GRID2IP: variants seen among roughly 807,000 people sequenced by gnomAD.
The protein encoded by GRID2IP is delphilin.
A neutral mutation model predicts 114.3 loss-of-function variants in GRID2IP; 78 were observed. The observed-to-expected ratio is 0.68, with a 90% confidence interval of 0.57 to 0.82. The LOEUF (loss-of-function observed/expected upper bound fraction) is 0.82. Ranked by LOEUF, GRID2IP falls within the 40% of genes least tolerant of loss-of-function variation. The pLI is 0.00. For missense variants in GRID2IP, 1,727 were observed against 1,678.5 expected (o/e 1.03, Z -0.51); for synonymous variants, 809 against 724.0 (o/e 1.12, Z -1.89).
At position 6,501,887 on chromosome 7, in the gene GRID2IP, G is replaced by T. The variant is rs1786425814; in HGVS notation, c.3293C>A (p.Ala1098Asp). ...VPLAAKVNQR[A>D]LTSDLADLHG... is the part of the protein sequence containing the mutation. ...GAGGTCAGCCAGGTCACTGGTCAGG[G>T]CCCGTTGGTTCACTGTAGGGAAGAG... is the stretch of plus-strand genomic sequence containing the variant. Residue 1098 changes from alanine (A) to aspartate (D), a missense_variant, in exon 20 of 22, where the codon GCC becomes GAC. By Grantham distance (126) the Ala-to-Asp change is moderately radical. Coordinates refer to ENST00000457091, the MANE Select transcript of GRID2IP (RefSeq NM_001145118.2). The T allele has an allele frequency of 4.5e-6, 7 of 1,551,404 alleles. No individual in the cohort carries two copies. Among genetic ancestry groups the T allele is most frequent in the Non-Finnish European group, 6.1e-6 (7 of 1,146,960 alleles).
intron 2 of GRID2IP, among the ~76,000 whole-genome samples, chr7:6,533,676 T>A (rs540042383): frequency 5.6e-5 from 8 of 142,494 alleles, no homozygotes; most frequent in African/African-American, 2.1e-4. Flanking sequence ...TTTTTAAACT[T>A]TTTTTTTTTT....
chr7:6,524,571 C>T (rs927534170), intron 4 of GRID2IP, among the ~76,000 whole-genome samples: 3 of 152,092 alleles, frequency 2.0e-5, no homozygotes, highest in African/African-American at 7.2e-5. Context: ...TTCAAGATGC[C>T]ATGGTTGGGC....
In GRID2IP at chr7:6,551,307, G is replaced by T; in HGVS notation, c.130C>A (p.Arg44=). ...KGSSAHAGGL[R]PGDQILEVEG... ...ACCTCCAGGATCTGGTCTCCTGGCC[G>T]CAGTCCTCCGGCATGCGCGCTGCTC... is the stretch of plus-strand genomic sequence containing the variant. The change falls in exon 1 of 22, where the codon CGG becomes AGG. Residue 44 remains arginine (R), a synonymous_variant. Coordinates refer to ENST00000457091, the MANE Select transcript of GRID2IP (RefSeq NM_001145118.2). 1.9e-6 allele frequency: 3 copies of T among 1,543,914 alleles called. No homozygotes were observed. The highest frequency in any genetic ancestry group is 2.6e-6 in the Non-Finnish European group (3 of 1,146,414).
At chr7:6,535,554 G>A (rs1779710941) in intron 2 of GRID2IP, among the ~76,000 whole-genome samples, 1 of 152,062 alleles carries the variant, frequency 6.6e-6, no homozygotes, top group Non-Finnish European at 1.5e-5. Context: ...CCCTTTGGCT[G>A]TTCAACCTCT....
rs1779296934 is a variant in GRID2IP at position 6,516,229 on chromosome 7, A to C, written c.1269-1700T>G. ...GTGGGCGGCAAGCCACCCAGATGCC[A>C]AGGCAAGAGACCGAGGGCACAAGCT... On this transcript the variant is annotated intron_variant, in intron 7 of 21. Coordinates refer to ENST00000457091, the MANE Select transcript of GRID2IP (RefSeq NM_001145118.2). The surrounding 1 kb of genome is among the most constrained non-coding windows in gnomAD (Gnocchi z 4.3). Among the ~76,000 whole-genome samples, 1 of 151,936 alleles carries C rather than the reference A, an allele frequency of 6.6e-6. No homozygotes were observed. The highest frequency in any genetic ancestry group is 2.1e-4 in the South Asian group (1 of 4,824).
intron 21 of GRID2IP, 102 bp from the exon 22 acceptor site, chr7:6,497,947 G>T: frequency 7.1e-7 from 1 of 1,401,052 alleles, no homozygotes; most frequent in Non-Finnish European, 9.7e-7. Context: ...GGGGGTTAGG[G>T]GGACATGTCG....
chr7:6,510,868 C>G, intron 9 of GRID2IP, 40 bp downstream of exon 9: 1 of 1,543,206 alleles, frequency 6.5e-7, no homozygotes, highest in Middle Eastern at 1.7e-4. Context: ...GGTGGGAAAA[C>G]TGAGCTCCAT....
At chr7:6,549,812 A>T (rs117868108) in intron 1 of GRID2IP, among the ~76,000 whole-genome samples, 4,539 of 146,048 alleles carry the variant, frequency 0.031, 98 homozygotes, top group Admixed American at 0.054. Context: ...TATATTTTTG[A>T]TAGTGATGGG....
Position 6,526,785 on chromosome 7 carries a change from G to A in GRID2IP, c.585-16C>T, listed in dbSNP as rs745759364. 2.1e-5 allele frequency: 32 copies of A among 1,498,696 alleles called. No homozygotes were observed. In the South Asian group the frequency reaches 3.3e-4, roughly 16 times the overall value. 92.8% of individuals were successfully genotyped at this position (1,498,696 alleles called of 1,614,324 possible). A position where few individuals can be genotyped will look rare whatever the true frequency, so the allele number is the denominator to read the frequency against. ...GATGAAGATCCTGCCGGCGAGGACG[G>A]CGGAGTCGGGGCGCGTTCCCGGACC... On this transcript the variant is annotated splice_polypyrimidine_tract_variant and intron_variant, in intron 2 of 21. Transcript: ENST00000457091. This position sits in a 1 kb window ranked among gnomAD's most constrained non-coding sequence, Gnocchi z 7.6.
chr7:6,530,660 G>T (rs1439124766), intron 2 of GRID2IP, among the ~76,000 whole-genome samples: 1 of 152,138 alleles, frequency 6.6e-6, no homozygotes, highest in Non-Finnish European at 1.5e-5. Context: ...TCAGTATAGG[G>T]AGCACGGCAG....
intron 7 of GRID2IP, among the ~76,000 whole-genome samples, chr7:6,515,307 C>A (rs918872988): frequency 6.6e-6 from 1 of 151,886 alleles, no homozygotes; most frequent in South Asian, 2.1e-4. Flanking sequence ...ACTAAAAATA[C>A]AAAAATTAGC....
Position 6,521,480 on chromosome 7 carries a change from C to T in GRID2IP, c.1033G>A (p.Gly345Ser), listed in dbSNP as rs1438735640. 6.5e-6 allele frequency: 10 copies of T among 1,549,860 alleles called. No homozygotes were observed. Among genetic ancestry groups the T allele is most frequent in the Non-Finnish European group, 8.7e-6 (10 of 1,146,176 alleles). ...DKVVSMLQGS[G>S]AMPTLVVEEG... ...TCCACCACCAGCGTGGGCATGGCAC[C>T]ACTGCCCTGCAGCATGGACACCACC... is the stretch of plus-strand genomic sequence containing the variant. Residue 345 changes from glycine (G) to serine (S), a missense_variant, in exon 6 of 22, where the codon GGT becomes AGT. By Grantham distance (56) the Gly-to-Ser change is moderately conservative. Coordinates refer to ENST00000457091, the MANE Select transcript of GRID2IP (RefSeq NM_001145118.2). The surrounding 1 kb of genome is among the most constrained non-coding windows in gnomAD (Gnocchi z 4.1).
In GRID2IP at chr7:6,517,701, G is replaced by A. The variant is rs948759133; in HGVS notation, c.1268+2877C>T. 6.6e-5 allele frequency among the ~76,000 whole-genome samples: 10 copies of A among 151,514 alleles called. No individual in the cohort carries two copies. The South Asian group carries it at 1.5e-3, about 22-fold the overall frequency. ...GGGGGATCACCTGAGTCAGGAGTTC[G>A]AGACCAGCCTGGCCAACATGGTGAA... On this transcript the variant is annotated intron_variant, in intron 7 of 21. Transcript: ENST00000457091.
At chr7:6,550,173 TG>T (rs1293253842) in intron 1 of GRID2IP, among the ~76,000 whole-genome samples, 1 of 150,808 alleles carries the variant, frequency 6.6e-6, no homozygotes, top group Non-Finnish European at 1.5e-5. Flanking sequence ...TGATTTTTTT[TG>T]TAGAGATGGT....
In GRID2IP at chr7:6,523,392, C is replaced by A. The variant is rs1779449817; in HGVS notation, c.920-1435G>T. Among the ~76,000 whole-genome samples, 1 of 152,048 alleles carries A rather than the reference C, an allele frequency of 6.6e-6. No individual in the cohort carries two copies. The highest frequency in any genetic ancestry group is 1.5e-5 in the Non-Finnish European group (1 of 68,008). ...GAGGTTGTCGCAGGGGATCAAAGAGCACTGGGCCAGGAGTCAGGAGATCCC... is the reference window on the plus strand; with the variant it reads ...GAGGTTGTCGCAGGGGATCAAAGAGAACTGGGCCAGGAGTCAGGAGATCCC... On this transcript the variant is annotated intron_variant, in intron 4 of 21. Coordinates refer to ENST00000457091, the MANE Select transcript of GRID2IP (RefSeq NM_001145118.2). This position sits in a 1 kb window ranked among gnomAD's most constrained non-coding sequence, Gnocchi z 4.5.
Position 6,532,006 on chromosome 7 carries a change from G to A in GRID2IP, c.585-5237C>T, listed in dbSNP as rs1779637849. 6.6e-6 allele frequency among the ~76,000 whole-genome samples: 1 copy of A among 152,144 alleles called. No homozygotes were observed. Among genetic ancestry groups the A allele is most frequent in the Non-Finnish European group, 1.5e-5 (1 of 68,016 alleles). Reference sequence around the variant, plus strand: ...CGAGTAGAGGGCCTCCCAGAGCTGCGCCTCTTGCTCTGCCAGGAGAGAAGA... The same window carrying A: ...CGAGTAGAGGGCCTCCCAGAGCTGCACCTCTTGCTCTGCCAGGAGAGAAGA... On this transcript the variant is annotated intron_variant, in intron 2 of 21. Transcript: ENST00000457091. This position sits in a 1 kb window ranked among gnomAD's most constrained non-coding sequence, Gnocchi z 4.4.
chr7:6,526,786 C>T lies in GRID2IP; in HGVS notation c.585-17G>A. 6.7e-7 allele frequency: 1 copy of T among 1,497,986 alleles called. No homozygotes were observed. 92.8% of individuals were successfully genotyped at this position (1,497,986 alleles called of 1,614,324 possible). ...ATGAAGATCCTGCCGGCGAGGACGG[C>T]GGAGTCGGGGCGCGTTCCCGGACCC... On this transcript the variant is annotated splice_polypyrimidine_tract_variant and intron_variant, in intron 2 of 21. Transcript: ENST00000457091. The surrounding 1 kb of genome is among the most constrained non-coding windows in gnomAD (Gnocchi z 7.6).
intron 2 of GRID2IP, among the ~76,000 whole-genome samples, chr7:6,531,389 A>G (rs1281125147): frequency 6.6e-6 from 1 of 152,134 alleles, no homozygotes; most frequent in Admixed American, 6.5e-5. Context: ...TCTCTCCGTT[A>G]TTCCCTTCCC....
At position 6,521,377 on chromosome 7, in the gene GRID2IP, C is replaced by T. The variant is rs1406464635; in HGVS notation, c.1084+52G>A. 7.6e-7 allele frequency: 1 copy of T among 1,322,900 alleles called. No homozygotes were observed. Among genetic ancestry groups the T allele is most frequent in the African/African-American group, 1.5e-5 (1 of 68,208 alleles). 81.9% of individuals were successfully genotyped at this position (1,322,900 alleles called of 1,614,324 possible). ...CACTGTGACTCTCACATATAGCAGC[C>T]TGGGCAGGGTCTCTGGGGGCCAAGG... On this transcript the variant is annotated intron_variant, in intron 6 of 21. Transcript: ENST00000457091. The surrounding 1 kb of genome is among the most constrained non-coding windows in gnomAD (Gnocchi z 4.1).
Sources: allele counts gnomAD v4.1 joint callset (sites outside exome capture counted in the v4.1 genomes callset), GRCh38; gene constraint gnomAD v4.1.1; non-coding constraint Gnocchi (gnomAD v3.1); transcripts MANE v1.5; gene names NCBI Gene and HGNC (gene_info 2026-07-23, HGNC 2026-07-21).